Variants in KIF5B observed in about 807,000 individuals in gnomAD.
KIF5B encodes kinesin family member 5B.
A neutral mutation model predicts 132.8 loss-of-function variants in KIF5B; 49 were observed. That is an observed-to-expected ratio of 0.37 (90% CI 0.29 to 0.47). The LOEUF (loss-of-function observed/expected upper bound fraction) is 0.47. Among genes scored for constraint, KIF5B ranks in the 20% least tolerant of loss-of-function variants. The probability of loss-of-function intolerance (pLI) is 1.00; values close to 1 mark genes in which losing one functional copy is unlikely to be tolerated. For missense variants in KIF5B, 780 were observed against 1,144.0 expected (o/e 0.68, Z 4.59); for synonymous variants, 355 against 369.4 (o/e 0.96, Z 0.45).
rs1427236217 is a variant in KIF5B, at chr10:32,009,360, T to C, written c.*2177A>G. The C allele has an allele frequency of 6.6e-6, 1 of 152,248 alleles. No individual in the cohort carries two copies. The highest frequency in any genetic ancestry group is 1.5e-5 in the Non-Finnish European group (1 of 68,050). The allele number at this position is 152,248 out of a possible 1,614,324, so 9.4% of individuals were successfully genotyped here. On this transcript the variant is annotated 3_prime_UTR_variant, in exon 26 of 26. Coordinates refer to ENST00000302418, the MANE Select transcript of KIF5B (RefSeq NM_004521.3). ...TTAATATATCCAGTCAAAAAGACACTGCAAATTGAAATGTGTCAATATCCT... is the reference window on the plus strand; with the variant it reads ...TTAATATATCCAGTCAAAAAGACACCGCAAATTGAAATGTGTCAATATCCT...
chr10:32,018,956 A>G lies in KIF5B; in HGVS notation c.2307-394T>C, dbSNP rs1265661823. ...ACTGATTCTCCTGCCCTGGCCTCCC[A>G]AAGTGCTGAGATTATGGGTGTGAGC... On this transcript the variant is annotated intron_variant, in intron 20 of 25. Transcript: ENST00000302418. 5.3e-5 allele frequency among the ~76,000 whole-genome samples: 8 copies of G among 152,270 alleles called. No individual in the cohort carries two copies. In the East Asian group the frequency reaches 1.5e-3, roughly 29 times the overall value.
chr10:32,041,272 G>A lies in KIF5B; in HGVS notation c.215-815C>T, dbSNP rs531646906. Among the ~76,000 whole-genome samples, 3 of 150,068 alleles carry A rather than the reference G, an allele frequency of 2.0e-5. No homozygotes were observed. In the South Asian group the frequency reaches 6.2e-4, roughly 31 times the overall value. On this transcript the variant is annotated intron_variant, in intron 2 of 25. Coordinates refer to ENST00000302418, the MANE Select transcript of KIF5B (RefSeq NM_004521.3). ...ATAAAGGATTTATAAAGACATTAAA[G>A]GAAATATATAACAACAGTAATTTTC...
In KIF5B at chr10:32,021,233, T is replaced by C. The variant is rs187922025; in HGVS notation, c.2087A>G (p.Glu696Gly). ...EHLNKVQTANEVKQAVEQQIQ... is the reference protein window; with the variant it reads ...EHLNKVQTANGVKQAVEQQIQ... ...ATGTGACATCAAACTTGCCTTAACT[T>C]CATTTGCAGTCTGAACCTTATTTAA... The change falls in exon 18 of 26, where the codon GAA becomes GGA. Residue 696 changes from glutamate to glycine, a missense_variant. Glu to Gly is a moderately conservative substitution (Grantham distance 98). Coordinates refer to ENST00000302418, the MANE Select transcript of KIF5B (RefSeq NM_004521.3). The C allele has an allele frequency of 1.2e-6, 2 of 1,613,056 alleles. No homozygotes were observed. Among genetic ancestry groups the C allele is most frequent in the East Asian group, 4.5e-5 (2 of 44,830 alleles).
chr10:32,043,074 G>C (rs1469855972), intron 2 of KIF5B, among the ~76,000 whole-genome samples: 1 of 152,006 alleles, frequency 6.6e-6, no homozygotes, highest in Admixed American at 6.5e-5. Context: ...TGCAACCTCG[G>C]CTCACTGCAA....
At chr10:32,015,383 T>C in intron 25 of KIF5B, 126 bp downstream of exon 25, 2 of 642,674 alleles carry the variant, frequency 3.1e-6, no homozygotes, top group Admixed American at 3.1e-5. Flanking sequence ...TCAAACTAAA[T>C]TACTTTTATA....
At position 32,010,979 on chromosome 10, in the gene KIF5B, A is replaced by G. The variant is rs1841070238; in HGVS notation, c.*558T>C. 1 of 152,116 alleles carries G rather than the reference A, an allele frequency of 6.6e-6. No homozygotes were observed. The highest frequency in any genetic ancestry group is 1.5e-5 in the Non-Finnish European group (1 of 68,002). The allele number at this position is 152,116 out of a possible 1,614,324, so 9.4% of individuals were successfully genotyped here. On this transcript the variant is annotated 3_prime_UTR_variant, in exon 26 of 26. Coordinates refer to ENST00000302418, the MANE Select transcript of KIF5B (RefSeq NM_004521.3). ...AAGTAATTTTAACCCTGATATCATC[A>G]TTTCAAGGGATTTTAAAATACAGTA...
chr10:32,026,437 CAAAAAAAAAAAAAAA>C (rs71027049), intron 15 of KIF5B, among the ~76,000 whole-genome samples: 3 of 48,920 alleles, frequency 6.1e-5, no homozygotes, highest in African/African-American at 2.3e-4. Flanking sequence ...GATTCCGTCT[CAAAAAAAAAAAAAAA>C]AAAAAAAAAG....
Position 32,010,151 on chromosome 10 carries a change from A to G in KIF5B, c.*1386T>C, listed in dbSNP as rs1841055636. 6.6e-6 allele frequency: 1 copy of G among 152,164 alleles called. No homozygotes were observed. The highest frequency in any genetic ancestry group is 6.5e-5 in the Admixed American group (1 of 15,276). 9.4% of individuals were successfully genotyped at this position (152,164 alleles called of 1,614,324 possible). ...ACAGAACTTTCCAAGTTTCTCTGCT[A>G]ACCTTAAATCCCCATTCTCTGTGAA... On this transcript the variant is annotated 3_prime_UTR_variant, in exon 26 of 26. Transcript: ENST00000302418.
intron 20 of KIF5B, among the ~76,000 whole-genome samples, chr10:32,019,178 AATTATAG>A (rs1399211643): frequency 6.6e-6 from 1 of 152,238 alleles, no homozygotes; most frequent in Non-Finnish European, 1.5e-5. Context: ...GATACTGATT[AATTATAG>A]ATTATAAACT....
intron 14 of KIF5B, among the ~76,000 whole-genome samples, chr10:32,029,733 AACAT>A (rs1294934065): frequency 3.9e-5 from 6 of 152,250 alleles, no homozygotes; most frequent in Non-Finnish European, 4.4e-5. Context: ...CCACAAGTGA[AACAT>A]AAATATAACT....
chr10:32,024,396 C>T (rs1388184787), intron 15 of KIF5B, among the ~76,000 whole-genome samples: 1 of 147,748 alleles, frequency 6.8e-6, no homozygotes, highest in East Asian at 2.0e-4. Flanking sequence ...CCTCGTGATC[C>T]GCCCGCCTCG....
intron 15 of KIF5B, among the ~76,000 whole-genome samples, chr10:32,026,938 A>G (rs1318288351): frequency 6.6e-6 from 1 of 152,220 alleles, no homozygotes; most frequent in African/African-American, 2.4e-5. Context: ...AAGAAATAAC[A>G]TATGAAGAGA....
intron 12 of KIF5B, 152 bp downstream of exon 12, chr10:32,033,693 A>C: frequency 1.8e-6 from 1 of 546,534 alleles, no homozygotes; most frequent in East Asian, 3.3e-5. Flanking sequence ...TATTTTGTTA[A>C]TACAATAATT....
At position 32,035,566 on chromosome 10, in the gene KIF5B, T is replaced by C. The variant is rs149372419; in HGVS notation, c.918A>G (p.Ser306=). The part of the protein sequence containing the change: ...TTIVICCSPS[S]YNESETKSTL... ...TAGATTTTGTTTCAGACTCATTGTA[T>C]GATGATGGAGAGCAGCAAATTACAA... Residue 306 remains serine, a synonymous_variant, in exon 10 of 26, where the codon TCA becomes TCG. Coordinates refer to ENST00000302418, the MANE Select transcript of KIF5B (RefSeq NM_004521.3). 9.9e-6 allele frequency: 16 copies of C among 1,613,350 alleles called. No homozygotes were observed. The highest frequency in any genetic ancestry group is 4.0e-5 in the African/African-American group (3 of 74,864).
At chr10:32,043,614 G>A (rs1319298431) in intron 2 of KIF5B, among the ~76,000 whole-genome samples, 1 of 152,034 alleles carries the variant, frequency 6.6e-6, no homozygotes, top group Non-Finnish European at 1.5e-5. Context: ...TCATATAGTG[G>A]GCAATGAATA....
chr10:32,030,234 T>C (rs1240153647), intron 14 of KIF5B, among the ~76,000 whole-genome samples: 2 of 152,150 alleles, frequency 1.3e-5, no homozygotes, highest in Non-Finnish European at 2.9e-5. Flanking sequence ...CTCCATCTAG[T>C]CGCCAGGCAC....
At chr10:32,028,611 A>G in intron 14 of KIF5B, 40 bp from the exon 15 acceptor site, 1 of 1,552,618 alleles carries the variant, frequency 6.4e-7, no homozygotes, top group Non-Finnish European at 8.8e-7. Flanking sequence ...TAAATCTACT[A>G]CATGAAAATT....
chr10:32,019,163 A>T (rs1227503250), intron 20 of KIF5B, among the ~76,000 whole-genome samples: 1 of 152,240 alleles, frequency 6.6e-6, no homozygotes. Flanking sequence ...CTATTTATCC[A>T]AAATGATACT....
chr10:32,031,316 A>G (rs759431718), intron 13 of KIF5B, 37 bp from the exon 14 acceptor site: 31 of 1,551,534 alleles, frequency 2.0e-5, no homozygotes, highest in Non-Finnish European at 2.4e-5. Context: ...CCCCAAAAGT[A>G]TACAGGTTTT....
Sources: gnomAD v4.1 joint callset for allele counts (sites outside exome capture counted in the v4.1 genomes callset) on GRCh38, gnomAD v4.1.1 for gene constraint, MANE v1.5 for transcripts, NCBI Gene and HGNC (gene_info 2026-07-23, HGNC 2026-07-21) for gene names.